The following ATF7IP variants were observed in gnomAD, a reference collection of about 807,000 sequenced individuals.
The protein encoded by ATF7IP is activating transcription factor 7 interacting protein.
Under a neutral mutation model 106.4 loss-of-function variants are expected in ATF7IP, and 23 were observed. The ratio of observed to expected loss-of-function variants is 0.22; its 90% confidence interval spans 0.16 to 0.31. ATF7IP has a LOEUF of 0.31. ATF7IP is among the 10% of genes least tolerant of loss of function. The pLI is 1.00. For synonymous variants in ATF7IP, 542 were observed against 539.0 expected (o/e 1.01, Z -0.08); for missense variants, 1,334 against 1,524.3 (o/e 0.88, Z 2.08).
intron 1 of ATF7IP, among the ~76,000 whole-genome samples, chr12:14,388,625 G>C (rs1487699785): frequency 6.6e-6 from 1 of 152,086 alleles, no homozygotes; most frequent in Non-Finnish European, 1.5e-5. Flanking sequence ...GGGATTATAG[G>C]CATGAGCCAC....
chr12:14,454,428 T>A (rs1943345798), intron 6 of ATF7IP, among the ~76,000 whole-genome samples: 1 of 152,230 alleles, frequency 6.6e-6, no homozygotes, highest in Non-Finnish European at 1.5e-5. Flanking sequence ...GTCACAGTTC[T>A]TGCTCCAGAT....
intron 8 of ATF7IP, 61 bp from the exon 9 acceptor site, chr12:14,460,434 T>C: frequency 6.9e-7 from 1 of 1,452,090 alleles, no homozygotes; most frequent in Admixed American, 2.1e-5. Context: ...GTCTGTCATA[T>C]TTTCTTAGTT....
Position 14,489,993 on chromosome 12 carries a change from A to C in ATF7IP, c.3281-6238A>C, listed in dbSNP as rs985878583. ...CAATATAATTAACCTGCCACCAGGT[A>C]GCTAGCTGATCACCCCGAGGAATGG... On this transcript the variant is annotated intron_variant, in intron 13 of 14. Transcript: ENST00000261168. Among the ~76,000 whole-genome samples, 3 of 152,328 alleles carry C rather than the reference A, an allele frequency of 2.0e-5. No homozygotes were observed. The South Asian group carries it at 6.2e-4, about 32-fold the overall frequency.
intron 1 of ATF7IP, among the ~76,000 whole-genome samples, chr12:14,389,904 G>A (rs544961417): frequency 5.9e-5 from 9 of 152,290 alleles, no homozygotes; most frequent in Admixed American, 2.6e-4. Context: ...GATTACAGGC[G>A]TGAGCCACCG....
intron 2 of ATF7IP, among the ~76,000 whole-genome samples, chr12:14,429,468 T>C (rs757629310): frequency 3.3e-5 from 5 of 152,178 alleles, no homozygotes; most frequent in African/African-American, 1.2e-4. Flanking sequence ...AACTAGATTT[T>C]TTTTGCATTA....
intron 13 of ATF7IP, among the ~76,000 whole-genome samples, chr12:14,483,060 C>G (rs572956316): frequency 6.6e-6 from 1 of 152,310 alleles, no homozygotes; most frequent in East Asian, 1.9e-4. Flanking sequence ...AGGAAATACT[C>G]ATGACAATTA....
chr12:14,479,528 A>G (rs1944366552), intron 12 of ATF7IP, among the ~76,000 whole-genome samples: 1 of 152,184 alleles, frequency 6.6e-6, no homozygotes, highest in Non-Finnish European at 1.5e-5. Flanking sequence ...TTATCCAGTG[A>G]AATTTATACT....
chr12:14,495,546 G>A (rs1944986796), intron 13 of ATF7IP, among the ~76,000 whole-genome samples: 1 of 152,174 alleles, frequency 6.6e-6, no homozygotes, highest in Non-Finnish European at 1.5e-5. Flanking sequence ...CATGGGCCAG[G>A]TACTGAATAA....
At chr12:14,393,646 G>A (rs554377892) in intron 1 of ATF7IP, among the ~76,000 whole-genome samples, 1 of 152,208 alleles carries the variant, frequency 6.6e-6, no homozygotes, top group East Asian at 1.9e-4. Context: ...GTTGAAGATA[G>A]CTGAAAATAA....
chr12:14,457,542 G>A (rs930204446), intron 8 of ATF7IP, among the ~76,000 whole-genome samples: 8 of 152,026 alleles, frequency 5.3e-5, no homozygotes, highest in African/African-American at 1.9e-4. Flanking sequence ...CAACATAATG[G>A]AATCCAGTTG....
At chr12:14,373,366 C>T (rs886122889) in intron 1 of ATF7IP, among the ~76,000 whole-genome samples, 2 of 152,120 alleles carry the variant, frequency 1.3e-5, no homozygotes, top group African/African-American at 2.4e-5. Context: ...AGTGGTTTTG[C>T]CTTAACATAT....
Position 14,425,341 on chromosome 12 carries a change from G to C in ATF7IP, c.1426G>C (p.Gly476Arg), listed in dbSNP as rs755562814. 6 of 1,612,492 alleles carry C rather than the reference G, an allele frequency of 3.7e-6. No individual in the cohort carries two copies. In the South Asian group the frequency reaches 6.6e-5, roughly 18 times the overall value. Residue 476 changes from glycine to arginine, a missense_variant, in exon 2 of 15, where the codon GGT becomes CGT. By Grantham distance (125) the Gly-to-Arg change is moderately radical. Coordinates refer to ENST00000261168, the MANE Select transcript of ATF7IP (RefSeq NM_018179.5). ...GGAAGAGAAAATGGAAAGTTCTTTT[G>C]GTTCACCATCTAAACAAGAAAGTAG... ...DLEEKMESSF[G>R]SPSKQESSES...
intron 1 of ATF7IP, among the ~76,000 whole-genome samples, chr12:14,389,728 A>G (rs1211757161): frequency 6.6e-6 from 1 of 152,116 alleles, no homozygotes; most frequent in Admixed American, 6.5e-5. Flanking sequence ...CCCAGGTTCA[A>G]GCAATTCTCC....
chr12:14,406,623 A>G (rs1189642634), intron 1 of ATF7IP, among the ~76,000 whole-genome samples: 1 of 150,080 alleles, frequency 6.7e-6, no homozygotes, highest in Non-Finnish European at 1.5e-5. Context: ...AAGCTAAGCT[A>G]CTTTTCATGT....
chr12:14,495,935 C>T (rs1278003464), intron 13 of ATF7IP, among the ~76,000 whole-genome samples: 1 of 152,084 alleles, frequency 6.6e-6, no homozygotes, highest in Non-Finnish European at 1.5e-5. Flanking sequence ...TTGCTTGTGT[C>T]TCGTGTTTTT....
intron 1 of ATF7IP, among the ~76,000 whole-genome samples, chr12:14,379,885 A>T (rs562173182): frequency 6.6e-6 from 1 of 151,962 alleles, no homozygotes; most frequent in African/African-American, 2.4e-5. Context: ...CCTTGTGTGG[A>T]TCTGTTTATT....
At chr12:14,402,458 T>C (rs1940293852) in intron 1 of ATF7IP, among the ~76,000 whole-genome samples, 1 of 152,058 alleles carries the variant, frequency 6.6e-6, no homozygotes, top group Non-Finnish European at 1.5e-5. Context: ...CCCTTTTTTT[T>C]CTTTAGTCAC....
intron 1 of ATF7IP, among the ~76,000 whole-genome samples, chr12:14,388,075 GCT>G (rs1939340829): frequency 2.8e-5 from 4 of 144,642 alleles, no homozygotes; most frequent in Admixed American, 7.0e-5. Context: ...GTGCGATGAT[GCT>G]TCCTCGGCTC....
intron 5 of ATF7IP, among the ~76,000 whole-genome samples, chr12:14,440,716 CA>C (rs1224924476): frequency 6.6e-6 from 1 of 152,160 alleles, no homozygotes; most frequent in Non-Finnish European, 1.5e-5. Context: ...TATCTAGTTT[CA>C]AAACATTTTT....
Sources: gnomAD v4.1 joint callset for allele counts (sites outside exome capture counted in the v4.1 genomes callset) on GRCh38, gnomAD v4.1.1 for gene constraint, MANE v1.5 for transcripts, NCBI Gene and HGNC (gene_info 2026-07-23, HGNC 2026-07-21) for gene names.